PCDHA6: variants seen among roughly 807,000 people sequenced by gnomAD.
PCDHA6 encodes the protein protocadherin alpha 6.
In PCDHA6, 55 loss-of-function variants were observed where a neutral mutation model predicts 60.3. The observed-to-expected ratio is 0.91, with a 90% CI of 0.73 to 1.14. PCDHA6 has a LOEUF of 1.14. Among genes scored for constraint, PCDHA6 ranks in the 50% most tolerant of loss-of-function variants. PCDHA6 has a pLI of 0.00. For missense variants in PCDHA6, 1,327 were observed against 1,256.5 expected (o/e 1.06, Z -0.85); for synonymous variants, 652 against 557.9 (o/e 1.17, Z -2.38).
At chr5:141,004,698 T>C (rs2098177351) in intron 3 of PCDHA6, among the ~76,000 whole-genome samples, 1 of 152,222 alleles carries the variant, frequency 6.6e-6, no homozygotes, top group East Asian at 1.9e-4. Context: ...AACCCAGTTT[T>C]AGGTGCCGAA....
At chr5:140,984,030 A>T (rs900763001) in intron 3 of PCDHA6, among the ~76,000 whole-genome samples, 17 of 152,330 alleles carry the variant, frequency 1.1e-4, no homozygotes, top group African/African-American at 3.6e-4. Context: ...AAGGGGAAAA[A>T]CATAAAATAG....
Position 140,857,393 on chromosome 5 carries a change from G to A in PCDHA6, c.2394+26908G>A, listed in dbSNP as rs146099067. 164 of 1,598,378 alleles carry A rather than the reference G, an allele frequency of 1.0e-4. 11 individuals are homozygous for A. Among genetic ancestry groups the A allele is most frequent in the Non-Finnish European group, 1.3e-4 (157 of 1,167,892 alleles). ...GTCTGTGGAGGTGGCCGACGTGAAC[G>A]ACAACGCGCCTGCGTTCGCGCAGTC... On this transcript the variant is annotated intron_variant, in intron 1 of 3. Coordinates refer to ENST00000529310, the MANE Select transcript of PCDHA6 (RefSeq NM_018909.4).
intron 1 of PCDHA6, among the ~76,000 whole-genome samples, chr5:140,956,131 C>A (rs2095258276): frequency 6.6e-6 from 1 of 152,096 alleles, no homozygotes; most frequent in African/African-American, 2.4e-5. Flanking sequence ...TATTTGAATA[C>A]CCTTTATTTC....
At position 140,829,229 on chromosome 5, in the gene PCDHA6, G is replaced by T. The variant is rs1554131821; in HGVS notation, c.1138G>T (p.Gly380Cys). Residue 380 changes from glycine (G) to cysteine (C), a missense_variant, in exon 1 of 4, where the codon GGT (glycine) becomes TGT (cysteine). Transcript: ENST00000529310. ...ALISVNDLDS[G>C]ANGQVNCSLT... ...AATTAGCGTGAACGACCTCGATTCA[G>T]GTGCCAACGGGCAGGTGAACTGCTC... is the stretch of plus-strand genomic sequence containing the variant. 11 of 1,614,240 alleles carry T rather than the reference G, an allele frequency of 6.8e-6. No individual in the cohort carries two copies. The highest frequency in any genetic ancestry group is 8.5e-6 in the Non-Finnish European group (10 of 1,180,054).
At chr5:140,947,140 A>G (rs2094093806) in intron 1 of PCDHA6, among the ~76,000 whole-genome samples, 1 of 151,464 alleles carries the variant, frequency 6.6e-6, no homozygotes, top group Admixed American at 6.6e-5. Context: ...AGTAAAATGT[A>G]TAGTTACTTC....
intron 3 of PCDHA6, among the ~76,000 whole-genome samples, chr5:140,993,462 T>TCA (rs3836747): frequency 0.1 from 14,588 of 140,880 alleles, 728 homozygotes; most frequent in Middle Eastern, 0.17. Context: ...TCTTTCTTTC[T>TCA]CACACACACA....
At chr5:140,882,702 C>T (rs2059269414) in intron 1 of PCDHA6, 1 of 1,614,098 alleles carries the variant, frequency 6.2e-7, no homozygotes, top group African/African-American at 1.3e-5. Flanking sequence ...ATTGCAGAAT[C>T]TAGACCTCCG....
At chr5:140,838,382 C>T (rs189980882) in intron 1 of PCDHA6, among the ~76,000 whole-genome samples, 2 of 151,494 alleles carry the variant, frequency 1.3e-5, no homozygotes, top group East Asian at 3.9e-4. Flanking sequence ...CCTCAGCCTC[C>T]CAATGTGCTG....
intron 1 of PCDHA6, chr5:140,836,490 G>T: frequency 6.2e-7 from 1 of 1,613,864 alleles, no homozygotes; most frequent in Non-Finnish European, 8.5e-7. Flanking sequence ...CCTGATCATC[G>T]CCATCTGCGC....
In PCDHA6 at chr5:140,829,876, C is replaced by G; in HGVS notation, c.1785C>G (p.Arg595=). 1.2e-6 allele frequency: 2 copies of G among 1,613,910 alleles called. No homozygotes were observed. Among genetic ancestry groups the G allele is most frequent in the Non-Finnish European group, 8.5e-7 (1 of 1,179,874 alleles). ...CAGGCCAAGTGGTGGCGAAGGTGCG[C>G]GCAGTTGACGCCGACTCAGGCTACA... The part of the protein sequence containing the change: ...LGAGQVVAKV[R]AVDADSGYNA... Residue 595 remains arginine, a synonymous_variant, in exon 1 of 4, where the codon CGC becomes CGG. Coordinates refer to ENST00000529310, the MANE Select transcript of PCDHA6 (RefSeq NM_018909.4).
At chr5:140,967,690 C>T (rs782694266) in intron 1 of PCDHA6, 1 of 1,614,190 alleles carries the variant, frequency 6.2e-7, no homozygotes, top group Admixed American at 1.7e-5. Flanking sequence ...GGCAGCTCTT[C>T]AGCATAGATG....
intron 1 of PCDHA6, among the ~76,000 whole-genome samples, chr5:140,975,592 C>A (rs2096673847): frequency 6.6e-6 from 1 of 152,170 alleles, no homozygotes; most frequent in Non-Finnish European, 1.5e-5. Context: ...TCCCAGAGGG[C>A]AATTTGTTGA....
At chr5:140,966,993 G>A in intron 1 of PCDHA6, 4 of 1,604,524 alleles carry the variant, frequency 2.5e-6, no homozygotes, top group Non-Finnish European at 3.4e-6. Context: ...GGGCCGGGTT[G>A]CTTGCGCATC....
chr5:140,916,579 T>C (rs1013124807), intron 1 of PCDHA6, among the ~76,000 whole-genome samples: 14 of 152,176 alleles, frequency 9.2e-5, no homozygotes, highest in Non-Finnish European at 1.6e-4. Context: ...AGAAATGTCA[T>C]CCATGAGCTA....
At chr5:140,908,661 G>C (rs530751435) in intron 1 of PCDHA6, among the ~76,000 whole-genome samples, 9 of 152,306 alleles carry the variant, frequency 5.9e-5, no homozygotes, top group African/African-American at 2.2e-4. Flanking sequence ...GCCTGCCAAA[G>C]GCTCCAAATA....
At chr5:140,848,923 C>G (rs1554142574) in intron 1 of PCDHA6, 1 of 1,607,740 alleles carries the variant, frequency 6.2e-7, no homozygotes, top group Middle Eastern at 1.7e-4. Context: ...CTGTTCATCG[C>G]GGAATCCAGG....
intron 2 of PCDHA6, among the ~76,000 whole-genome samples, chr5:140,979,343 AATT>A (rs1482354475): frequency 8.6e-5 from 13 of 152,024 alleles, no homozygotes; most frequent in African/African-American, 3.1e-4. Flanking sequence ...TAAAAACTGT[AATT>A]AATACTCATG....
At chr5:140,907,239 C>T (rs1447900433) in intron 1 of PCDHA6, among the ~76,000 whole-genome samples, 1 of 152,200 alleles carries the variant, frequency 6.6e-6, no homozygotes, top group Non-Finnish European at 1.5e-5. Context: ...ACCTAGTTGA[C>T]ATTGTAATTG....
chr5:140,845,591 A>G (rs1416942970), intron 1 of PCDHA6, among the ~76,000 whole-genome samples: 2 of 149,444 alleles, frequency 1.3e-5, no homozygotes, highest in African/African-American at 4.9e-5. Context: ...AATGTGTCAG[A>G]AGTTAGTTAT....
Sources: allele counts gnomAD v4.1 joint callset (sites outside exome capture counted in the v4.1 genomes callset), GRCh38; gene constraint gnomAD v4.1.1; transcripts MANE v1.5; gene names NCBI Gene and HGNC (gene_info 2026-07-23, HGNC 2026-07-21).